Variants in ARK2C observed in about 807,000 individuals in gnomAD.
ARK2C encodes E3 ubiquitin-protein ligase ARK2C.
At chr18:46,393,974 T>C in the ARK2C span, among the ~76,000 whole-genome samples, 1 of 152,186 alleles carries the variant, frequency 6.6e-6, no homozygotes, top group African/African-American at 2.4e-5. Context: ...GGAGGGAGGA[T>C]GCAGTGGGGC....
chr18:46,389,234 C>T, the ARK2C span, among the ~76,000 whole-genome samples: 5 of 152,158 alleles, frequency 3.3e-5, no homozygotes, highest in Admixed American at 6.5e-5. Context: ...GTTAAGTGCA[C>T]GAGCATTTAG....
chr18:46,436,421 C>A, the ARK2C span, among the ~76,000 whole-genome samples: 2 of 152,190 alleles, frequency 1.3e-5, no homozygotes, highest in Admixed American at 6.5e-5. Flanking sequence ...GCTGTTCTTG[C>A]AACTTTTAGG....
the ARK2C span, chr18:46,450,677 C>T: frequency 1.3e-6 from 2 of 1,572,052 alleles, no homozygotes; most frequent in African/African-American, 2.7e-5. Flanking sequence ...ATGCTGAGCA[C>T]ACATGTGCAC....
chr18:46,419,749 C>T, the ARK2C span, among the ~76,000 whole-genome samples: 5 of 152,210 alleles, frequency 3.3e-5, no homozygotes, highest in African/African-American at 4.8e-5. Flanking sequence ...TAACTGGAGA[C>T]GGACAGGCCT....
At chr18:46,346,497 C>T in the ARK2C span, among the ~76,000 whole-genome samples, 9 of 152,054 alleles carry the variant, frequency 5.9e-5, no homozygotes, top group East Asian at 5.8e-4. Flanking sequence ...TCTTGGGGGC[C>T]GAGGGGATGG....
At chr18:46,415,356 T>C in the ARK2C span, among the ~76,000 whole-genome samples, 3 of 152,016 alleles carry the variant, frequency 2.0e-5, no homozygotes, top group Middle Eastern at 6.8e-3. Context: ...CCATCTCTAC[T>C]AAAAATACAA....
At chr18:46,393,329 G>A in the ARK2C span, among the ~76,000 whole-genome samples, 5 of 152,150 alleles carry the variant, frequency 3.3e-5, 1 homozygote, top group South Asian at 4.1e-4. Flanking sequence ...GAGCAGTCTC[G>A]AGGTGTGGGG....
chr18:46,449,801 CT>C, the ARK2C span, among the ~76,000 whole-genome samples: 1 of 151,984 alleles, frequency 6.6e-6, no homozygotes, highest in Admixed American at 6.6e-5. Flanking sequence ...ATTAAACCTC[CT>C]TTTTTTTAAG....
At chr18:46,438,064 T>C in the ARK2C span, among the ~76,000 whole-genome samples, 1 of 152,202 alleles carries the variant, frequency 6.6e-6, no homozygotes, top group African/African-American at 2.4e-5. Flanking sequence ...GACCACACCA[T>C]GTTCAAGAAC....
the ARK2C span, among the ~76,000 whole-genome samples, chr18:46,441,164 T>C: frequency 6.6e-6 from 1 of 152,086 alleles, no homozygotes; most frequent in Non-Finnish European, 1.5e-5. Flanking sequence ...TTTTTGTTTT[T>C]TAAATTTTTG....
At chr18:46,378,915 C>T in the ARK2C span, among the ~76,000 whole-genome samples, 1 of 152,208 alleles carries the variant, frequency 6.6e-6, no homozygotes, top group Admixed American at 6.5e-5. Flanking sequence ...ACTCTTCCTC[C>T]CCAGTGTGGC....
chr18:46,427,720 C>T, the ARK2C span, among the ~76,000 whole-genome samples: 5 of 152,262 alleles, frequency 3.3e-5, no homozygotes, highest in African/African-American at 9.6e-5. Flanking sequence ...TGGGTGCCAG[C>T]ACCAAGCCAG....
At chr18:46,410,174 G>T in the ARK2C span, among the ~76,000 whole-genome samples, 1 of 152,154 alleles carries the variant, frequency 6.6e-6, no homozygotes, top group East Asian at 1.9e-4. Flanking sequence ...GCCCTGCTCT[G>T]GTCAGATCCC....
At chr18:46,336,524 C>A in the ARK2C span, 1 of 985,426 alleles carries the variant, frequency 1.0e-6, no homozygotes, top group Non-Finnish European at 1.2e-6. Context: ...GAGTTCATGA[C>A]CTTCCGATAG....
chr18:46,392,776 G>A, the ARK2C span, among the ~76,000 whole-genome samples: 4 of 152,164 alleles, frequency 2.6e-5, no homozygotes, highest in East Asian at 1.9e-4. Context: ...CAGCCCGGAC[G>A]GGGCCTGTGT....
the ARK2C span, among the ~76,000 whole-genome samples, chr18:46,399,815 C>T: frequency 3.3e-5 from 5 of 152,338 alleles, no homozygotes; most frequent in African/African-American, 1.2e-4. Context: ...CCAGGCCCTG[C>T]TCTTATTCTT....
chr18:46,455,237 G>A, the ARK2C span, among the ~76,000 whole-genome samples: 33 of 152,176 alleles, frequency 2.2e-4, no homozygotes, highest in Non-Finnish European at 4.1e-4. Flanking sequence ...GTGAATAAAT[G>A]AGTCAACAGT....
chr18:46,375,697 C>A, the ARK2C span, among the ~76,000 whole-genome samples: 105 of 152,064 alleles, frequency 6.9e-4, 3 homozygotes, highest in South Asian at 7.7e-3. Flanking sequence ...TCTCTTGTTC[C>A]CAGCAATTTT....
the ARK2C span, among the ~76,000 whole-genome samples, chr18:46,349,817 C>A: frequency 1.3e-5 from 2 of 152,320 alleles, no homozygotes; most frequent in South Asian, 4.1e-4. Context: ...ACGCTGCACA[C>A]GATCCACCCA....
Sources: allele counts gnomAD v4.1 joint callset (sites outside exome capture counted in the v4.1 genomes callset), GRCh38; gene constraint gnomAD v4.1.1; transcripts MANE v1.5; gene names NCBI Gene and HGNC (gene_info 2026-07-23, HGNC 2026-07-21).